The following PRKAG2 variants were observed in gnomAD, a reference collection of about 807,000 sequenced individuals.
PRKAG2 encodes the protein protein kinase AMP-activated non-catalytic subunit gamma 2.
PRKAG2 carries 26 observed loss-of-function variants against 69.6 expected under a neutral mutation model. That is an observed-to-expected ratio of 0.37 (90% CI 0.27 to 0.52). The LOEUF (loss-of-function observed/expected upper bound fraction) is 0.52, where lower values mean the gene tolerates loss of function less well. Among genes scored for constraint, PRKAG2 ranks in the 20% least tolerant of loss-of-function variants. The pLI, the probability that PRKAG2 is intolerant of heterozygous loss-of-function variation, is 0.90. For synonymous variants in PRKAG2, 293 were observed against 285.0 expected, an observed-to-expected ratio of 1.03 and a Z score of -0.28; for missense variants, 557 against 740.0, an observed-to-expected ratio of 0.75 and a Z score of 2.87.
chr7:151,776,889 A>G (rs1415691549), intron 3 of PRKAG2, among the ~76,000 whole-genome samples: 3 of 152,164 alleles, frequency 2.0e-5, no homozygotes, highest in Non-Finnish European at 4.4e-5. Flanking sequence ...CTTCAGGTAC[A>G]TTGCAGAGGA....
At chr7:151,796,841 A>G (rs949573835) in intron 1 of PRKAG2, among the ~76,000 whole-genome samples, 1 of 152,148 alleles carries the variant, frequency 6.6e-6, no homozygotes, top group African/African-American at 2.4e-5. Context: ...CGCCACCTCC[A>G]GCCCCTGTAC....
At chr7:151,613,479 A>G (rs1220532469) in intron 5 of PRKAG2, among the ~76,000 whole-genome samples, 1 of 152,104 alleles carries the variant, frequency 6.6e-6, no homozygotes, top group African/African-American at 2.4e-5. Context: ...AAACATTCCC[A>G]GTCCCGAGCA....
intron 4 of PRKAG2, among the ~76,000 whole-genome samples, chr7:151,673,704 C>T (rs1235150426): frequency 6.6e-6 from 1 of 152,118 alleles, no homozygotes; most frequent in East Asian, 1.9e-4. Context: ...ACAGATTGGA[C>T]CGTATCTCCT....
chr7:151,626,862 T>C (rs1314435287), intron 5 of PRKAG2, among the ~76,000 whole-genome samples: 1 of 151,516 alleles, frequency 6.6e-6, no homozygotes, highest in Non-Finnish European at 1.5e-5. Flanking sequence ...ATATACTGTG[T>C]ATTTGTTCAT....
At chr7:151,692,652 G>A (rs1347160728) in intron 3 of PRKAG2, among the ~76,000 whole-genome samples, 2 of 151,958 alleles carry the variant, frequency 1.3e-5, no homozygotes, top group Non-Finnish European at 2.9e-5. Context: ...ACATGAGTTC[G>A]GGGGGGTTGT....
intron 3 of PRKAG2, among the ~76,000 whole-genome samples, chr7:151,747,616 A>G (rs2074374593): frequency 6.6e-6 from 1 of 152,184 alleles, no homozygotes; most frequent in Non-Finnish European, 1.5e-5. Flanking sequence ...TGCATCTGAC[A>G]CTTAAAAAAG....
At chr7:151,797,447 A>C (rs765974651) in intron 1 of PRKAG2, among the ~76,000 whole-genome samples, 2 of 152,128 alleles carry the variant, frequency 1.3e-5, no homozygotes, top group East Asian at 3.9e-4. Context: ...CCTCTGAACG[A>C]GGGCTCAGAG....
chr7:151,641,031 G>A (rs1826576067), intron 4 of PRKAG2, among the ~76,000 whole-genome samples: 1 of 152,088 alleles, frequency 6.6e-6, no homozygotes, highest in South Asian at 2.1e-4. Context: ...AATCATTATA[G>A]TCACTTTCCC....
chr7:151,711,809 A>G lies in PRKAG2; in HGVS notation c.467-36172T>C, dbSNP rs1795365747. Among the ~76,000 whole-genome samples, 2 of 152,236 alleles carry G rather than the reference A, an allele frequency of 1.3e-5. 1 individual carries two copies. The highest frequency in any genetic ancestry group is 2.9e-5 in the Non-Finnish European group (2 of 68,036). On this transcript the variant is annotated intron_variant, in intron 3 of 15. Transcript: ENST00000287878. ...GATATGCAGGTTCCTGAGAGCCGCT[A>G]GCCTGTCTCAACTCAGATGCAAGTT...
At chr7:151,773,053 G>A (rs1192402002) in intron 3 of PRKAG2, among the ~76,000 whole-genome samples, 41 of 38,054 alleles carry the variant, frequency 1.1e-3, no homozygotes, top group East Asian at 6.2e-3. Context: ...GAGAGAGAGA[G>A]GGAGGGAGGG....
At position 151,607,386 on chromosome 7, in the gene PRKAG2, A is replaced by C. The variant is rs77443133; in HGVS notation, c.755-11932T>G. ...AGCCTTGAACTCTCAGGCTCAAGCAATCCTAGCAGCTGAGACTACAGATGC... is the reference window on the plus strand; with the variant it reads ...AGCCTTGAACTCTCAGGCTCAAGCACTCCTAGCAGCTGAGACTACAGATGC... On this transcript the variant is annotated intron_variant, in intron 5 of 15. Coordinates refer to ENST00000287878, the MANE Select transcript of PRKAG2 (RefSeq NM_016203.4). Among the ~76,000 whole-genome samples the C allele has an allele frequency of 4.1e-3, 624 of 152,122 alleles. 3 individuals carry two copies. Among genetic ancestry groups the C allele is most frequent in the Non-Finnish European group, 7.0e-3 (474 of 67,994 alleles).
intron 1 of PRKAG2, among the ~76,000 whole-genome samples, chr7:151,843,873 G>C (rs1109277): frequency 0.42 from 63,437 of 152,216 alleles, 13,374 homozygotes; most frequent in Middle Eastern, 0.52. Flanking sequence ...TGTCATGGCA[G>C]AAGGCTCCAT....
At position 151,739,985 on chromosome 7, in the gene PRKAG2, C is replaced by T. The variant is rs774617831; in HGVS notation, c.466+41167G>A. On this transcript the variant is annotated intron_variant, in intron 3 of 15. Coordinates refer to ENST00000287878, the MANE Select transcript of PRKAG2 (RefSeq NM_016203.4). Reference sequence around the variant, plus strand: ...GCTCTTCTATTCTATATGTGAATGTCGCCCTTACCACAGAGAAGACTGGGA... The same window carrying T: ...GCTCTTCTATTCTATATGTGAATGTTGCCCTTACCACAGAGAAGACTGGGA... 5.3e-5 allele frequency among the ~76,000 whole-genome samples: 8 copies of T among 152,166 alleles called. 1 individual carries two copies. Among genetic ancestry groups the T allele is most frequent in the Admixed American group, 2.6e-4 (4 of 15,284 alleles).
intron 1 of PRKAG2, chr7:151,810,185 C>T (rs2078344144): frequency 6.6e-6 from 1 of 152,216 alleles, no homozygotes; most frequent in Non-Finnish European, 1.5e-5. Flanking sequence ...GAGAGCACCC[C>T]CAAATGCTCA....
intron 3 of PRKAG2, among the ~76,000 whole-genome samples, chr7:151,686,989 C>T (rs1411108070): frequency 1.3e-5 from 2 of 152,042 alleles, no homozygotes; most frequent in East Asian, 1.9e-4. Flanking sequence ...AAAAGGAATC[C>T]GGAAAATATC....
At chr7:151,812,452 C>A (rs2078468759) in intron 1 of PRKAG2, among the ~76,000 whole-genome samples, 2 of 152,184 alleles carry the variant, frequency 1.3e-5, no homozygotes. Context: ...TAGTTAACAG[C>A]TGAGCTGAAA....
rs564167375 is a variant in PRKAG2, at chr7:151,863,826, G to A, written c.114+12681C>T. ...CTGAGCAGGCTGAGGTAAGAGGATC[G>A]CTTGAGCTCAGGAGTTCCAGGCAGC... is the stretch of plus-strand genomic sequence containing the variant. On this transcript the variant is annotated intron_variant, in intron 1 of 15. Coordinates refer to ENST00000287878, the MANE Select transcript of PRKAG2 (RefSeq NM_016203.4). Among the ~76,000 whole-genome samples the A allele has an allele frequency of 6.6e-5, 10 of 151,824 alleles. No individual in the cohort carries two copies. The South Asian group carries it at 1.2e-3, about 19-fold the overall frequency.
At chr7:151,775,210 T>G (rs541761538) in intron 3 of PRKAG2, among the ~76,000 whole-genome samples, 10 of 152,338 alleles carry the variant, frequency 6.6e-5, no homozygotes, top group African/African-American at 2.2e-4. Flanking sequence ...ATCCTGGAAC[T>G]TCCCGCCCTA....
At chr7:151,734,724 AT>A (rs1298090311) in intron 3 of PRKAG2, among the ~76,000 whole-genome samples, 1 of 151,152 alleles carries the variant, frequency 6.6e-6, no homozygotes, top group Non-Finnish European at 1.5e-5. Context: ...TAACTTTTAA[AT>A]TTTTTTGTAG....
Sources: gnomAD v4.1 joint callset for allele counts (sites outside exome capture counted in the v4.1 genomes callset) on GRCh38, gnomAD v4.1.1 for gene constraint, MANE v1.5 for transcripts, NCBI Gene and HGNC (gene_info 2026-07-23, HGNC 2026-07-21) for gene names.